Variants in NTM observed in about 807,000 individuals in gnomAD.
NTM encodes the protein IgLON family member 2.
A neutral mutation model predicts 42.1 loss-of-function variants in NTM; 13 were observed. The observed-to-expected ratio is 0.31, with a 90% CI of 0.20 to 0.49. The LOEUF (loss-of-function observed/expected upper bound fraction) is 0.49. Ranked by LOEUF, NTM falls within the 20% of genes least tolerant of loss-of-function variation. The pLI, the probability that NTM is intolerant of heterozygous loss-of-function variation, is 0.99. For missense variants in NTM, 373 were observed against 452.8 expected (o/e 0.82, Z 1.60); for synonymous variants, 187 against 179.2 (o/e 1.04, Z -0.35).
intron 2 of NTM, among the ~76,000 whole-genome samples, chr11:132,101,867 T>C (rs1349161385): frequency 6.6e-6 from 1 of 152,204 alleles, no homozygotes. Flanking sequence ...GGCAGGTTTT[T>C]GTAAAATATA....
chr11:132,018,681 A>G (rs931228824), intron 2 of NTM, among the ~76,000 whole-genome samples: 3 of 151,900 alleles, frequency 2.0e-5, no homozygotes, highest in African/African-American at 7.2e-5. Flanking sequence ...AGTAATCTGT[A>G]TTTTTATTCC....
At chr11:131,722,026 A>AGAGT in intron 1 of NTM, among the ~76,000 whole-genome samples, 1 of 145,130 alleles carries the variant, frequency 6.9e-6, no homozygotes, top group African/African-American at 2.6e-5. Context: ...AAAAAAAGAG[A>AGAGT]GAAAGAAAGA....
At chr11:131,937,699 C>G (rs11222842) in intron 2 of NTM, among the ~76,000 whole-genome samples, 31,319 of 152,052 alleles carry the variant, frequency 0.21, 3,914 homozygotes, top group East Asian at 0.4. Context: ...TAATCTGGTT[C>G]TGGGTCTAAC....
intron 1 of NTM, among the ~76,000 whole-genome samples, chr11:131,656,029 C>T (rs2067142857): frequency 6.6e-6 from 1 of 152,192 alleles, no homozygotes; most frequent in Non-Finnish European, 1.5e-5. Flanking sequence ...TGGTCAGTTC[C>T]CCCTGCTTTT....
chr11:132,097,458 A>T (rs945432140), intron 2 of NTM, among the ~76,000 whole-genome samples: 4 of 152,128 alleles, frequency 2.6e-5, no homozygotes, highest in African/African-American at 9.7e-5. Context: ...TCTAAATCTC[A>T]TCAGGGAATG....
chr11:132,108,294 CTT>C (rs1411542923), intron 2 of NTM, among the ~76,000 whole-genome samples: 1 of 152,196 alleles, frequency 6.6e-6, no homozygotes, highest in Non-Finnish European at 1.5e-5. Context: ...TAGCTGACCT[CTT>C]TGTTATCTTG....
intron 2 of NTM, among the ~76,000 whole-genome samples, chr11:131,993,847 C>G (rs1196973109): frequency 6.6e-6 from 1 of 151,516 alleles, no homozygotes; most frequent in Non-Finnish European, 1.5e-5. Context: ...ACTAAAAATA[C>G]AAAAAATTAG....
At chr11:131,986,123 T>C (rs1449965272) in intron 2 of NTM, among the ~76,000 whole-genome samples, 4 of 152,214 alleles carry the variant, frequency 2.6e-5, no homozygotes, top group Non-Finnish European at 5.9e-5. Context: ...AAACATCTCT[T>C]AGGAAACCTA....
chr11:131,911,716 G>C, intron 2 of NTM, 68 bp downstream of exon 2: 1 of 1,594,420 alleles, frequency 6.3e-7, no homozygotes, highest in Non-Finnish European at 8.6e-7. Context: ...CAGGGGTGCA[G>C]GTGTGTGCAC....
intron 2 of NTM, among the ~76,000 whole-genome samples, chr11:132,031,912 A>T (rs1410216286): frequency 1.3e-5 from 2 of 152,142 alleles, no homozygotes; most frequent in Admixed American, 1.3e-4. Flanking sequence ...ACATGCTCAA[A>T]GGCCCTCCCA....
At chr11:131,575,738 C>T (rs1190753112) in intron 1 of NTM, among the ~76,000 whole-genome samples, 1 of 152,140 alleles carries the variant, frequency 6.6e-6, no homozygotes, top group Non-Finnish European at 1.5e-5. Context: ...GCTTATCCTT[C>T]CCCAATTCAA....
At chr11:132,051,315 T>C (rs1166676924) in intron 2 of NTM, among the ~76,000 whole-genome samples, 1 of 152,210 alleles carries the variant, frequency 6.6e-6, no homozygotes, top group Non-Finnish European at 1.5e-5. Context: ...CCTGATTTTA[T>C]AAATGAGAAA....
At chr11:132,278,784 T>TCTCTCTCTCTCTCTC (rs59045128) in intron 4 of NTM, among the ~76,000 whole-genome samples, 9 of 148,890 alleles carry the variant, frequency 6.0e-5, no homozygotes, top group East Asian at 1.9e-4. Flanking sequence ...TCTCTCTCTC[T>TCTCTCTCTCTCTCTC]TTACTGCTTA....
intron 2 of NTM, among the ~76,000 whole-genome samples, chr11:132,130,396 G>GT (rs1222773441): frequency 1.1e-4 from 17 of 152,186 alleles, no homozygotes; most frequent in African/African-American, 2.6e-4. Flanking sequence ...TCTCTGCCTT[G>GT]TTTTTTTAAT....
chr11:131,653,747 C>A (rs2066810447), intron 1 of NTM, among the ~76,000 whole-genome samples: 1 of 152,172 alleles, frequency 6.6e-6, no homozygotes, highest in Non-Finnish European at 1.5e-5. Context: ...CCAAAGCACC[C>A]CCTCAGAGGG....
At chr11:132,317,729 C>T (rs921415727) in intron 7 of NTM, 1 of 1,261,366 alleles carries the variant, frequency 7.9e-7, no homozygotes, top group Admixed American at 2.3e-5. Flanking sequence ...TCTCCCCTTC[C>T]CTCTATCCCA....
chr11:132,015,581 T>C (rs1289050659), intron 2 of NTM, among the ~76,000 whole-genome samples: 1 of 151,774 alleles, frequency 6.6e-6, no homozygotes, highest in Non-Finnish European at 1.5e-5. Context: ...GTCAGTGTTT[T>C]GTAGTTTTCC....
rs1301815482 is a variant in NTM at position 132,213,820 on chromosome 11, C to T, written c.526+1673C>T. Among the ~76,000 whole-genome samples the T allele has an allele frequency of 6.4e-5, 4 of 62,440 alleles. 1 individual carries two copies. The highest frequency in any genetic ancestry group is 4.5e-4 in the South Asian group (1 of 2,202). 41.0% of individuals were successfully genotyped at this position (62,440 alleles called of 152,430 possible). ...CGGGATCTCGGCTCACTGCAAGCTC[C>T]GCCTCCCGGGTTCACGCCATTCTCC... On this transcript the variant is annotated intron_variant, in intron 4 of 8. Coordinates refer to ENST00000683400, the MANE Select transcript of NTM (RefSeq NM_001352005.2).
At position 131,609,983 on chromosome 11, in the gene NTM, T is replaced by G. The variant is rs1249439454; in HGVS notation, c.82+239095T>G. Among the ~76,000 whole-genome samples, 4 of 152,184 alleles carry G rather than the reference T, an allele frequency of 2.6e-5. No homozygotes were observed. The East Asian group carries it at 7.7e-4, about 29-fold the overall frequency. On this transcript the variant is annotated intron_variant, in intron 1 of 8. Transcript: ENST00000683400. ...GCTCTTTGTAACAGGAGAAACACAT[T>G]TCTTTGTTTGAGTCATTTGCACAGT...
Sources: allele counts gnomAD v4.1 joint callset (sites outside exome capture counted in the v4.1 genomes callset), GRCh38; gene constraint gnomAD v4.1.1; transcripts MANE v1.5; gene names NCBI Gene and HGNC (gene_info 2026-07-23, HGNC 2026-07-21).